ZNF518B: variants seen among roughly 807,000 people sequenced by gnomAD.
ZNF518B encodes the protein zinc finger protein 518B.
A neutral mutation model predicts 56.3 loss-of-function variants in ZNF518B; 23 were observed. The ratio of observed to expected loss-of-function variants is 0.41; its 90% CI spans 0.29 to 0.58. ZNF518B has a LOEUF of 0.58. ZNF518B is among the 20% of genes least tolerant of loss of function. ZNF518B has a pLI of 0.32. For synonymous variants in ZNF518B, 529 were observed against 465.9 expected (o/e 1.14, Z -1.74); for missense variants, 1,460 against 1,272.1 (o/e 1.15, Z -2.25).
chr4:10,457,567 A>G (rs1185371890), upstream of ZNF518B, among the ~76,000 whole-genome samples: 2 of 152,020 alleles, frequency 1.3e-5, no homozygotes, highest in Non-Finnish European at 2.9e-5. Context: ...GCCGAGCCCC[A>G]CTTCTGGGCT....
At chr4:10,455,541 G>A (rs1026515115) in intron 1 of ZNF518B, among the ~76,000 whole-genome samples, 1 of 152,114 alleles carries the variant, frequency 6.6e-6, no homozygotes, top group African/African-American at 2.4e-5. Context: ...AATGTTCTTT[G>A]TTCTTCCTTT....
In ZNF518B at chr4:10,445,817, G is replaced by A. The variant is rs746868476; in HGVS notation, c.512C>T (p.Ser171Leu). ...CCTCTGAAACTCTCCTTTCGTATACGAAATGTAGCTGCAGTGAGAACAAAT... is the reference window on the plus strand; with the variant it reads ...CCTCTGAAACTCTCCTTTCGTATACAAAATGTAGCTGCAGTGAGAACAAAT... ...KFICSHCSYISYTKGEFQRHL... is the reference protein window; with the variant it reads ...KFICSHCSYILYTKGEFQRHL... The change falls in exon 3 of 3, where the codon TCG becomes TTG. Residue 171 changes from serine to leucine, a missense_variant. Transcript: ENST00000326756. The A allele has an allele frequency of 1.4e-5, 23 of 1,614,082 alleles. No individual in the cohort carries two copies. Among genetic ancestry groups the A allele is most frequent in the East Asian group, 1.1e-4 (5 of 44,902 alleles).
At chr4:10,448,442 C>T (rs1270456949) in intron 2 of ZNF518B, among the ~76,000 whole-genome samples, 1 of 152,166 alleles carries the variant, frequency 6.6e-6, no homozygotes, top group African/African-American at 2.4e-5. Context: ...GTAAAACCTG[C>T]CCTTTGGAAA....
At chr4:10,461,095 G>C (rs1715729463), upstream of ZNF518B, among the ~76,000 whole-genome samples, 1 of 152,376 alleles carries the variant, frequency 6.6e-6, no homozygotes, top group African/African-American at 2.4e-5. Context: ...AGGATGTAGA[G>C]CCCGAATCCC....
At chr4:10,455,276 T>A (rs558795165) in intron 1 of ZNF518B, among the ~76,000 whole-genome samples, 2 of 152,288 alleles carry the variant, frequency 1.3e-5, no homozygotes, top group East Asian at 3.9e-4. Flanking sequence ...GACTGGCTGA[T>A]CTGTAGCTGC....
chr4:10,454,201 T>G (rs905617149), intron 2 of ZNF518B: 2 of 152,266 alleles, frequency 1.3e-5, no homozygotes, highest in African/African-American at 4.8e-5. Context: ...TGGGCTGTCA[T>G]GGGGCAAACA....
At chr4:10,457,620 C>T (rs1459035683), upstream of ZNF518B, among the ~76,000 whole-genome samples, 3 of 152,242 alleles carry the variant, frequency 2.0e-5, no homozygotes, top group Non-Finnish European at 2.9e-5. Context: ...GAGCGAGGTC[C>T]ACATTTAGCC....
At chr4:10,453,168 G>A (rs1715393298) in intron 2 of ZNF518B, 1 of 152,248 alleles carries the variant, frequency 6.6e-6, no homozygotes, top group African/African-American at 2.4e-5. Context: ...GAGGACAAAT[G>A]AGAAAAGGGT....
At position 10,445,589 on chromosome 4, in the gene ZNF518B, T is replaced by A. The variant is rs141835884; in HGVS notation, c.740A>T (p.Asn247Ile). The part of the protein sequence containing the change: ...KQNPELLKAS[N>I]PRTTFQNKWS... ...CTTATTTTGAAATGTAGTCCGTGGA[T>A]TGGAAGCTTTTAGAAGCTCTGGGTT... Residue 247 changes from asparagine (N) to isoleucine (I), a missense_variant, in exon 3 of 3, where the codon AAT becomes ATT. Transcript: ENST00000326756. 1 of 1,614,194 alleles carries A rather than the reference T, an allele frequency of 6.2e-7. No individual in the cohort carries two copies. Among genetic ancestry groups the A allele is most frequent in the South Asian group, 1.1e-5 (1 of 91,080 alleles).
intron 2 of ZNF518B, chr4:10,452,741 C>G (rs1039969376): frequency 6.6e-6 from 1 of 152,128 alleles, no homozygotes; most frequent in Non-Finnish European, 1.5e-5. Flanking sequence ...GCTGGGTAAA[C>G]AGATTTAAAA....
At chr4:10,459,116 T>C (rs1421973704), upstream of ZNF518B, among the ~76,000 whole-genome samples, 1 of 152,078 alleles carries the variant, frequency 6.6e-6, no homozygotes, top group Non-Finnish European at 1.5e-5. Flanking sequence ...CAGTGAAAAA[T>C]AGGTCCTTCC....
At chr4:10,459,902 C>T (rs1347645212), upstream of ZNF518B, among the ~76,000 whole-genome samples, 5 of 152,092 alleles carry the variant, frequency 3.3e-5, no homozygotes, top group African/African-American at 2.4e-5. Context: ...ATCAATGCAC[C>T]CTCCTAGTTA....
chr4:10,443,657 G>C lies in ZNF518B; in HGVS notation c.2672C>G (p.Thr891Ser). ...CTTCCTGGATAAGTGTACTTGTTTGGTTTTATTTCTACTTATAGAAAGACT... is the reference window on the plus strand; with the variant it reads ...CTTCCTGGATAAGTGTACTTGTTTGCTTTTATTTCTACTTATAGAAAGACT... ...SRSLSISRNK[T>S]KQVHLSRKKN... Residue 891 changes from threonine (T) to serine (S), a missense_variant, in exon 3 of 3, where the codon ACC (threonine) becomes AGC (serine). Thr to Ser is a moderately conservative substitution (Grantham distance 58). Coordinates refer to ENST00000326756, the MANE Select transcript of ZNF518B (RefSeq NM_053042.3). 1 of 1,613,978 alleles carries C rather than the reference G, an allele frequency of 6.2e-7. No homozygotes were observed. The highest frequency in any genetic ancestry group is 8.5e-7 in the Non-Finnish European group (1 of 1,179,952).
intron 2 of ZNF518B, among the ~76,000 whole-genome samples, chr4:10,450,285 G>T (rs922925040): frequency 1.3e-5 from 2 of 152,216 alleles, no homozygotes; most frequent in South Asian, 4.1e-4. Flanking sequence ...CTGTTTGAAA[G>T]TATCTTCTTG....
Position 10,442,862 on chromosome 4 carries a change from G to A in ZNF518B, c.*242C>T. The A allele has an allele frequency of 4.4e-6, 2 of 450,728 alleles. No homozygotes were observed. The highest frequency in any genetic ancestry group is 4.1e-5 in the South Asian group (1 of 24,186). 27.9% of individuals were successfully genotyped at this position (450,728 alleles called of 1,614,324 possible). On this transcript the variant is annotated 3_prime_UTR_variant, in exon 3 of 3. Coordinates refer to ENST00000326756, the MANE Select transcript of ZNF518B (RefSeq NM_053042.3). ...ACTGAAAATCTGTTCAGTTTCACAG[G>A]CTCTCTCCAGAAAAATGCATATGTA...
Position 10,445,681 on chromosome 4 carries a change from T to C in ZNF518B, c.648A>G (p.Ala216=), listed in dbSNP as rs377354550. 4 of 1,614,224 alleles carry C rather than the reference T, an allele frequency of 2.5e-6. No homozygotes were observed. Among genetic ancestry groups the C allele is most frequent in the Non-Finnish European group, 3.4e-6 (4 of 1,180,034 alleles). ...CAGCTTTGACTGGCCGTTTCGCACC[T>C]GCCCTTTCATGTACTCTCTTCGTGT... ...VKHTKRVHER[A]GAKRPVKAVA... The change falls in exon 3 of 3, where the codon GCA becomes GCG. Residue 216 remains alanine (A), a synonymous_variant. Transcript: ENST00000326756.
chr4:10,456,194 T>G (rs1173664398), intron 1 of ZNF518B, among the ~76,000 whole-genome samples: 6 of 150,354 alleles, frequency 4.0e-5, no homozygotes, highest in Non-Finnish European at 7.4e-5. Flanking sequence ...GCTCTGTAGT[T>G]TTTTTTTTTA....
Position 10,440,113 on chromosome 4 carries a change from T to C in ZNF518B, c.*2991A>G, listed in dbSNP as rs1714605199. The C allele has an allele frequency of 6.6e-6, 1 of 152,528 alleles. No homozygotes were observed. Among genetic ancestry groups the C allele is most frequent in the Non-Finnish European group, 1.5e-5 (1 of 68,040 alleles). 9.4% of individuals were successfully genotyped at this position (152,528 alleles called of 1,614,324 possible). On this transcript the variant is annotated 3_prime_UTR_variant, in exon 3 of 3. Transcript: ENST00000326756. ...AACATCACATCTTCAACTTCTGAGA[T>C]GGATTATATATAACATGTCCTAAAG...
chr4:10,442,040 G>A lies in ZNF518B; in HGVS notation c.*1064C>T, dbSNP rs557128337. On this transcript the variant is annotated 3_prime_UTR_variant, in exon 3 of 3. Transcript: ENST00000326756. ...AAGGCACAGAAAGGAAGAAACAGTG[G>A]GCAAGGAAGTTGTGCTAGTCCACAG... The A allele has an allele frequency of 2.6e-5, 4 of 152,222 alleles. No individual in the cohort carries two copies. Among genetic ancestry groups the A allele is most frequent in the Non-Finnish European group, 5.9e-5 (4 of 68,062 alleles). 9.4% of individuals were successfully genotyped at this position (152,222 alleles called of 1,614,324 possible).
Sources: allele counts gnomAD v4.1 joint callset (sites outside exome capture counted in the v4.1 genomes callset), GRCh38; gene constraint gnomAD v4.1.1; transcripts MANE v1.5; gene names NCBI Gene and HGNC (gene_info 2026-07-23, HGNC 2026-07-21).